GALNT16: variants seen among roughly 807,000 people sequenced by gnomAD.
GALNT16 encodes the protein UDP-GalNAc:polypeptide N-acetylgalactosaminyltransferase-like protein 1.
In GALNT16, 40 loss-of-function variants were observed where a neutral mutation model predicts 76.1. The observed-to-expected ratio is 0.53, with a 90% CI of 0.41 to 0.68. The LOEUF (loss-of-function observed/expected upper bound fraction) is 0.68. Among genes scored for constraint, GALNT16 ranks in the 30% least tolerant of loss-of-function variants. The pLI, the probability that GALNT16 is intolerant of heterozygous loss-of-function variation, is 0.00. For synonymous variants in GALNT16, 276 were observed against 285.2 expected, an observed-to-expected ratio of 0.97 and a Z score of 0.32; for missense variants, 621 against 731.9, an observed-to-expected ratio of 0.85 and a Z score of 1.75.
In GALNT16 at chr14:69,279,601, C is replaced by A. The variant is rs534800463; in HGVS notation, c.177+19134C>A. ...GTTCCTGCCCTCAAGTTGCTCAGCCCTGTAAGGGACTGAGTGGGTGTGGGA... is the reference window on the plus strand; with the variant it reads ...GTTCCTGCCCTCAAGTTGCTCAGCCATGTAAGGGACTGAGTGGGTGTGGGA... On this transcript the variant is annotated intron_variant, in intron 1 of 14. Coordinates refer to ENST00000448469, the MANE Select transcript of GALNT16 (RefSeq NM_001168368.2). 2.0e-5 allele frequency among the ~76,000 whole-genome samples: 3 copies of A among 152,364 alleles called. No homozygotes were observed. In the South Asian group the frequency reaches 6.2e-4, roughly 32 times the overall value.
the GALNT16 span, among the ~76,000 whole-genome samples, chr14:69,375,170 C>T: frequency 6.6e-6 from 1 of 152,270 alleles, no homozygotes; most frequent in African/African-American, 2.4e-5. Flanking sequence ...GGTAATATTC[C>T]TTGTTATGAA....
chr14:69,334,551 G>T (rs138727770), intron 9 of GALNT16, among the ~76,000 whole-genome samples: 1 of 152,230 alleles, frequency 6.6e-6, no homozygotes, highest in East Asian at 1.9e-4. Flanking sequence ...GTGCGGGCAG[G>T]ATAGAGGGAA....
chr14:69,329,391 A>T (rs1037073959), intron 6 of GALNT16, among the ~76,000 whole-genome samples: 6 of 152,222 alleles, frequency 3.9e-5, no homozygotes, highest in African/African-American at 1.4e-4. Context: ...TTGAGTAGAC[A>T]TTTTTTCAAG....
At chr14:69,367,909 C>T in the GALNT16 span, among the ~76,000 whole-genome samples, 1 of 152,106 alleles carries the variant, frequency 6.6e-6, no homozygotes, top group Admixed American at 6.5e-5. Flanking sequence ...GCGAGGATCG[C>T]TTGAGCCCAG....
intron 1 of GALNT16, among the ~76,000 whole-genome samples, chr14:69,311,516 C>T (rs1239490459): frequency 6.6e-6 from 1 of 152,204 alleles, no homozygotes; most frequent in Non-Finnish European, 1.5e-5. Flanking sequence ...AGTTCTCCTT[C>T]CCCTCTCCCT....
At chr14:69,370,612 C>G in the GALNT16 span, among the ~76,000 whole-genome samples, 1 of 152,136 alleles carries the variant, frequency 6.6e-6, no homozygotes. Flanking sequence ...AAACCCACCA[C>G]CCAGGTTATC....
Position 69,352,039 on chromosome 14 carries a change from G to C in GALNT16, c.1548G>C (p.Arg516Ser), listed in dbSNP as rs1450187331. The C allele has an allele frequency of 6.2e-7, 1 of 1,611,850 alleles. No individual in the cohort carries two copies. ...CNPREGKQKW[R>S]RKGSFIQHSV... ...ATCTCTGTTCCTCCTAGAAATGGAG[G>C]AGAAAAGGATCTTTCATCCAGCATT... The change falls in exon 15 of 15, where the codon AGG becomes AGC. Residue 516 changes from arginine (R) to serine (S), a missense_variant. Physicochemically the swap from Arg to Ser is moderately radical, Grantham distance 110. Coordinates refer to ENST00000448469, the MANE Select transcript of GALNT16 (RefSeq NM_001168368.2).
intron 1 of GALNT16, among the ~76,000 whole-genome samples, chr14:69,262,915 TGTCACCCA>T (rs1368228251): frequency 6.6e-6 from 1 of 151,408 alleles, no homozygotes; most frequent in Non-Finnish European, 1.5e-5. Context: ...AGTCTCACTC[TGTCACCCA>T]GGCTGGAGTG....
At chr14:69,270,375 A>G (rs2044392790) in intron 1 of GALNT16, among the ~76,000 whole-genome samples, 1 of 152,072 alleles carries the variant, frequency 6.6e-6, no homozygotes, top group Non-Finnish European at 1.5e-5. Flanking sequence ...GACTGGTATG[A>G]CACAGTGTCG....
At chr14:69,312,122 A>C (rs1216435359) in intron 1 of GALNT16, among the ~76,000 whole-genome samples, 1 of 151,350 alleles carries the variant, frequency 6.6e-6, no homozygotes, top group Admixed American at 6.6e-5. Context: ...TATCTGTCTA[A>C]TATATATAGT....
the GALNT16 span, among the ~76,000 whole-genome samples, chr14:69,365,832 T>C: frequency 6.6e-6 from 1 of 151,884 alleles, no homozygotes; most frequent in Non-Finnish European, 1.5e-5. Flanking sequence ...ATGCAATAAA[T>C]ACTTATCATT....
At chr14:69,296,565 C>T (rs2044761860) in intron 1 of GALNT16, among the ~76,000 whole-genome samples, 1 of 152,024 alleles carries the variant, frequency 6.6e-6, no homozygotes, top group South Asian at 2.1e-4. Flanking sequence ...TGGTGGCACA[C>T]ACCTGTAGTC....
the GALNT16 span, among the ~76,000 whole-genome samples, chr14:69,374,060 C>T: frequency 6.6e-6 from 1 of 152,194 alleles, no homozygotes; most frequent in Non-Finnish European, 1.5e-5. Flanking sequence ...GGATTACAGG[C>T]GTGAGCCACT....
chr14:69,299,368 G>A (rs1348351936), intron 1 of GALNT16, among the ~76,000 whole-genome samples: 2 of 152,184 alleles, frequency 1.3e-5, no homozygotes, highest in African/African-American at 2.4e-5. Flanking sequence ...ACTCGGAGAC[G>A]GAGGTTTGCA....
chr14:69,300,204 AGTGTGTGTGTGCTACACCC>A (rs755180672), intron 1 of GALNT16, among the ~76,000 whole-genome samples: 154 of 152,338 alleles, frequency 1.0e-3, no homozygotes, highest in Non-Finnish European at 1.7e-3. Context: ...TTGTATTTAA[AGTGTGTGTGTGCTACACCC>A]GCACACACAC....
intron 1 of GALNT16, among the ~76,000 whole-genome samples, chr14:69,308,219 T>TG (rs1472900494): frequency 2.6e-5 from 4 of 152,178 alleles, no homozygotes; most frequent in Non-Finnish European, 2.9e-5. Flanking sequence ...ATGAGCTCAA[T>TG]CCTTTTATCT....
intron 1 of GALNT16, among the ~76,000 whole-genome samples, chr14:69,310,934 A>T (rs191224391): frequency 4.0e-4 from 61 of 152,156 alleles, no homozygotes; most frequent in African/African-American, 6.3e-4. Flanking sequence ...ATAAAATTTT[A>T]AAAAAATAGT....
At chr14:69,321,510 C>T (rs2045183077) in intron 2 of GALNT16, among the ~76,000 whole-genome samples, 1 of 152,174 alleles carries the variant, frequency 6.6e-6, no homozygotes, top group South Asian at 2.1e-4. Flanking sequence ...TTTCCTCTTC[C>T]TGCCGTCACC....
At chr14:69,335,549 CAG>C (rs144409080) in intron 9 of GALNT16, among the ~76,000 whole-genome samples, 2,935 of 152,224 alleles carry the variant, frequency 0.019, 103 homozygotes, top group African/African-American at 0.067. Flanking sequence ...AGGCTAGAGA[CAG>C]AGAAACAAGT....
Sources: allele counts gnomAD v4.1 joint callset (sites outside exome capture counted in the v4.1 genomes callset), GRCh38; gene constraint gnomAD v4.1.1; transcripts MANE v1.5; gene names NCBI Gene and HGNC (gene_info 2026-07-23, HGNC 2026-07-21).